STAB1: variants seen among roughly 807,000 people sequenced by gnomAD.
STAB1 encodes stabilin 1, also known as stabilin-1.
Under a neutral mutation model 332.4 loss-of-function variants are expected in STAB1, and 250 were observed. The observed-to-expected ratio is 0.75, with a 90% CI of 0.68 to 0.84. The LOEUF is 0.84. STAB1 is among the 40% of genes least tolerant of loss of function. The probability of loss-of-function intolerance (pLI) is 0.00; values close to 1 mark genes in which losing one functional copy is unlikely to be tolerated. For missense variants in STAB1, 3,249 were observed against 3,489.7 expected (o/e 0.93, Z 1.74); for synonymous variants, 1,475 against 1,390.4 (o/e 1.06, Z -1.35).
rs764610787 is a variant in STAB1, at chr3:52,523,509, C to T, written c.7223C>T (p.Pro2408Leu). 1.6e-5 allele frequency: 26 copies of T among 1,612,624 alleles called. No individual in the cohort carries two copies. The highest frequency in any genetic ancestry group is 1.6e-4 in the Middle Eastern group (1 of 6,082). ...AACGCCAGCCAGGGGAAGTTGCTTC[C>T]GGCCCACTCAGGCCTCAGCCTCATC... ...SANASQGKLL[P>L]AHSGLSLIIS... is the part of the protein sequence containing the mutation. The change falls in exon 65 of 69, where the codon CCG becomes CTG. Residue 2408 changes from proline (P) to leucine (L), a missense_variant. By Grantham distance (98) the Pro-to-Leu change is moderately conservative. Transcript: ENST00000321725.
Position 52,512,358 on chromosome 3 carries a change from G to C in STAB1, c.2901G>C (p.Val967=), listed in dbSNP as rs766038223. The C allele has an allele frequency of 1.9e-6, 3 of 1,612,572 alleles. No homozygotes were observed. The highest frequency in any genetic ancestry group is 2.2e-5 in the South Asian group (2 of 91,002). ...GCHGLATCRA[V]GGGQRVCTCP... ...CACCCCAGGCCACCTGCCGGGCAGT[G>C]GGGGGAGGTCAGCGGGTCTGCACGT... The change falls in exon 27 of 69, where the codon GTG becomes GTC. Residue 967 remains valine (V), a synonymous_variant. Transcript: ENST00000321725.
intron 18 of STAB1, among the ~76,000 whole-genome samples, chr3:52,507,245 A>G (rs1325085740): frequency 6.6e-6 from 1 of 152,150 alleles, no homozygotes; most frequent in Non-Finnish European, 1.5e-5. Flanking sequence ...GGATTTCACC[A>G]TGTTGGCCAG....
At chr3:52,506,955 G>A (rs1482791576) in intron 18 of STAB1, 105 bp downstream of exon 18, 22 of 1,487,378 alleles carry the variant, frequency 1.5e-5, no homozygotes, top group South Asian at 3.9e-5. Flanking sequence ...CTGGGCTGAC[G>A]CCGGCTCTGA....
rs1708636119 is a variant in STAB1, at chr3:52,503,837, CT to C, written c.959del (p.Phe320SerfsTer15). The C allele has an allele frequency of 6.2e-7, 1 of 1,613,280 alleles. No individual in the cohort carries two copies. Among genetic ancestry groups the C allele is most frequent in the Non-Finnish European group, 8.5e-7 (1 of 1,180,036 alleles). Reference protein sequence around the residue: ...NSNASAGCFAFCSPFSCDRSA... With the variant: ...NSNASAGCFAXCSPFSCDRSA... ...GCAACGCTTCTGCGGGCTGCTTCGCCTTCTGCTCCCCCTTCTCCTGCGACCG... is the reference window on the plus strand; with the variant it reads ...GCAACGCTTCTGCGGGCTGCTTCGCCTCTGCTCCCCCTTCTCCTGCGACCG... On this transcript the variant is annotated frameshift_variant, in exon 9 of 69. Coordinates refer to ENST00000321725, the MANE Select transcript of STAB1 (RefSeq NM_015136.3). LOFTEE classifies it high-confidence loss of function.
In STAB1 at chr3:52,505,703, G is replaced by T. The variant is rs1171388052; in HGVS notation, c.1617G>T (p.Gly539=). The part of the protein sequence containing the change: ...CGLPSILDGP[G]PFTVFAPSNE... Reference sequence around the variant, plus strand: ...TGCCCTCCATCCTGGACGGACCTGGGCCCTTCACAGTCTTTGCCCCAAGCA... The same window carrying T: ...TGCCCTCCATCCTGGACGGACCTGGTCCCTTCACAGTCTTTGCCCCAAGCA... The change falls in exon 15 of 69, where the codon GGG becomes GGT. Residue 539 remains glycine (G), a synonymous_variant. Coordinates refer to ENST00000321725, the MANE Select transcript of STAB1 (RefSeq NM_015136.3). The T allele has an allele frequency of 6.2e-7, 1 of 1,613,810 alleles. No homozygotes were observed. The highest frequency in any genetic ancestry group is 2.2e-5 in the East Asian group (1 of 44,884).
chr3:52,511,941 C>T (rs1709330755), intron 26 of STAB1, among the ~76,000 whole-genome samples, 196 bp downstream of exon 26: 1 of 152,230 alleles, frequency 6.6e-6, no homozygotes, highest in East Asian at 1.9e-4. Context: ...CTCTGTTCCA[C>T]TCCTGCCCCA....
At position 52,523,913 on chromosome 3, in the gene STAB1, G is replaced by GT. The variant is rs2079172662; in HGVS notation, c.7439dup (p.Ala2482GlyfsTer37). 1.2e-6 allele frequency: 2 copies of GT among 1,608,656 alleles called. No individual in the cohort carries two copies. Among genetic ancestry groups the GT allele is most frequent in the Non-Finnish European group, 8.5e-7 (1 of 1,179,654 alleles). ...TGAAGCCCCACCTGTGGCGGCAGGC[G>GT]TGGGGGCTGTGCTTGCCGCTGGAGC... On this transcript the variant is annotated frameshift_variant, in exon 67 of 69. Coordinates refer to ENST00000321725, the MANE Select transcript of STAB1 (RefSeq NM_015136.3). LOFTEE classifies it high-confidence loss of function.
At position 52,511,700 on chromosome 3, in the gene STAB1, C is replaced by T. The variant is rs1197676557; in HGVS notation, c.2838C>T (p.Ser946=). Residue 946 remains serine (S), a synonymous_variant, in exon 26 of 69, where the codon AGC becomes AGT. Coordinates refer to ENST00000321725, the MANE Select transcript of STAB1 (RefSeq NM_015136.3). ...TTGCCGGGGATGGCTACCAGTGCAG[C>T]CCCATCGACCCCTGCCGGGCAGGCA... is the stretch of plus-strand genomic sequence containing the variant. ...LGFAGDGYQC[S]PIDPCRAGNG... The T allele has an allele frequency of 1.2e-6, 2 of 1,608,680 alleles. No individual in the cohort carries two copies. Among genetic ancestry groups the T allele is most frequent in the East Asian group, 2.2e-5 (1 of 44,738 alleles).
At chr3:52,511,199 G>A (rs1001620420) in intron 25 of STAB1, among the ~76,000 whole-genome samples, 1 of 152,222 alleles carries the variant, frequency 6.6e-6, no homozygotes, top group Admixed American at 6.5e-5. Context: ...GAGGGGTCTC[G>A]CTGGTCACTC....
chr3:52,503,171 C>A, intron 7 of STAB1, 62 bp downstream of exon 7: 1 of 1,513,564 alleles, frequency 6.6e-7, no homozygotes, highest in Non-Finnish European at 9.0e-7. Context: ...GGGAGAGCAT[C>A]CTTTAACCCA....
At position 52,510,061 on chromosome 3, in the gene STAB1, G is replaced by C; in HGVS notation, c.2534+5G>C. ...TAGCCAGGAGGGTGTTGCCAGGTGA[G>C]GACCCACACCTTCTGTCTGCCCCAC... On this transcript the variant is annotated splice_donor_5th_base_variant and intron_variant, in intron 23 of 68. Transcript: ENST00000321725. 6.2e-7 allele frequency: 1 copy of C among 1,611,552 alleles called. No individual in the cohort carries two copies. The highest frequency in any genetic ancestry group is 8.5e-7 in the Non-Finnish European group (1 of 1,178,750).
intron 1 of STAB1, 42 bp downstream of exon 1, chr3:52,495,533 C>G: frequency 3.9e-6 from 5 of 1,286,200 alleles, no homozygotes; most frequent in Non-Finnish European, 5.0e-6. Context: ...CGTCTGGGCC[C>G]TGCCGGCCAG....
rs143901118 is a variant in STAB1, at chr3:52,520,431, G to A, written c.5531G>A (p.Arg1844His). 8.1e-6 allele frequency: 13 copies of A among 1,612,358 alleles called. No individual in the cohort carries two copies. The highest frequency in any genetic ancestry group is 5.3e-5 in the African/African-American group (4 of 75,040). ...GELMVGEDDA[R>H]IVQRHLPFEG... ...CTCATGGTGGGTGAGGATGATGCTC[G>A]CATTGTGCAGCGGCACTTGCCCTTT... Residue 1844 changes from arginine to histidine, a missense_variant, in exon 53 of 69, where the codon CGC (arginine) becomes CAC (histidine). Arg to His is a conservative substitution (Grantham distance 29, BLOSUM62 0). Coordinates refer to ENST00000321725, the MANE Select transcript of STAB1 (RefSeq NM_015136.3).
At position 52,495,378 on chromosome 3, in the gene STAB1, G is replaced by A. The variant is rs1379743981; in HGVS notation, c.-36G>A. ...CTGCCTCCTAGAGCTCATTCCCTACGCCCCGACTCTGTCCTGGACAGCGTG... is the reference window on the plus strand; with the variant it reads ...CTGCCTCCTAGAGCTCATTCCCTACACCCCGACTCTGTCCTGGACAGCGTG... On this transcript the variant is annotated 5_prime_UTR_variant, in exon 1 of 69. Coordinates refer to ENST00000321725, the MANE Select transcript of STAB1 (RefSeq NM_015136.3). The A allele has an allele frequency of 6.1e-6, 8 of 1,307,640 alleles. No individual in the cohort carries two copies. In the South Asian group the frequency reaches 9.0e-5, roughly 15 times the overall value. 81.0% of individuals were successfully genotyped at this position (1,307,640 alleles called of 1,614,324 possible). A position where few individuals can be genotyped will look rare whatever the true frequency, so the allele number is the denominator to read the frequency against.
Position 52,514,554 on chromosome 3 carries a change from T to G in STAB1, c.3678+58T>G, listed in dbSNP as rs1224326993. 35 of 1,532,986 alleles carry G rather than the reference T, an allele frequency of 2.3e-5. No individual in the cohort carries two copies. In the South Asian group the frequency reaches 3.2e-4, roughly 14 times the overall value. The allele number at this position is 1,532,986 out of a possible 1,614,324, so 95.0% of individuals were successfully genotyped here. On this transcript the variant is annotated intron_variant, in intron 34 of 68. Coordinates refer to ENST00000321725, the MANE Select transcript of STAB1 (RefSeq NM_015136.3). Reference sequence around the variant, plus strand: ...CCGGGCCCCTACCCCTGAAGATCCCTTCCCTTTGGAGTTTCCCTAGCTGTG... The same window carrying G: ...CCGGGCCCCTACCCCTGAAGATCCCGTCCCTTTGGAGTTTCCCTAGCTGTG...
In STAB1 at chr3:52,511,737, C is replaced by A; in HGVS notation, c.2875C>A (p.His959Asn). 6.3e-7 allele frequency: 1 copy of A among 1,592,748 alleles called. No individual in the cohort carries two copies. Among genetic ancestry groups the A allele is most frequent in the East Asian group, 2.3e-5 (1 of 44,092 alleles). ...CTGCCGGGCAGGCAATGGCGGCTGC[C>A]ACGGCCTGGTAAGGGGGTGCAAGGC... is the stretch of plus-strand genomic sequence containing the variant. ...DPCRAGNGGC[H>N]GLATCRAVGG... is the part of the protein sequence containing the mutation. Residue 959 changes from histidine (H) to asparagine (N), a missense_variant, in exon 26 of 69, where the codon CAC becomes AAC. Physicochemically the swap from His to Asn is moderately conservative, Grantham distance 68 (BLOSUM62 1). Transcript: ENST00000321725.
chr3:52,503,901 A>C lies in STAB1; in HGVS notation c.1021A>C (p.Ser341Arg), dbSNP rs934025909. Residue 341 changes from serine (S) to arginine (R), a missense_variant and splice_region_variant, in exon 9 of 69, where the codon AGC (serine) becomes CGC (arginine). Coordinates refer to ENST00000321725, the MANE Select transcript of STAB1 (RefSeq NM_015136.3). ...CCAGGTGACCGCTGATGGGAAGACC[A>C]GGTGAGCACAGGTGCCTGGGAGCAG... is the stretch of plus-strand genomic sequence containing the variant. ...TCQVTADGKT[S>R]CVCRESEVGD... The C allele has an allele frequency of 3.7e-6, 6 of 1,611,788 alleles. No homozygotes were observed. The highest frequency in any genetic ancestry group is 5.1e-6 in the Non-Finnish European group (6 of 1,179,170).
rs200367975 is a variant in STAB1 at position 52,504,568 on chromosome 3, T to C, written c.1239+19T>C. The C allele has an allele frequency of 1.2e-6, 2 of 1,613,694 alleles. No homozygotes were observed. Among genetic ancestry groups the C allele is most frequent in the Admixed American group, 1.7e-5 (1 of 60,002 alleles). On this transcript the variant is annotated intron_variant, in intron 11 of 68. Transcript: ENST00000321725. ...CATGAATGTAAGCCCCTCCCCATGG[T>C]GGAGCTGGCCACTGGCCCTCACCTC...
At position 52,521,963 on chromosome 3, in the gene STAB1, G is replaced by A; in HGVS notation, c.6271+12G>A. 1 of 1,606,830 alleles carries A rather than the reference G, an allele frequency of 6.2e-7. No individual in the cohort carries two copies. Among genetic ancestry groups the A allele is most frequent in the Non-Finnish European group, 8.5e-7 (1 of 1,175,200 alleles). ...CCGTGTGTGTACAGGTAAGCAGATG[G>A]GCGGGGACATGGAGGTGGGAGGCCC... On this transcript the variant is annotated intron_variant, in intron 58 of 68. Coordinates refer to ENST00000321725, the MANE Select transcript of STAB1 (RefSeq NM_015136.3).
Sources: gnomAD v4.1 joint callset for allele counts (sites outside exome capture counted in the v4.1 genomes callset) on GRCh38, gnomAD v4.1.1 for gene constraint, MANE v1.5 for transcripts, NCBI Gene and HGNC (gene_info 2026-07-23, HGNC 2026-07-21) for gene names.